Variants in YES1 observed in about 807,000 individuals in gnomAD.
YES1 encodes YES proto-oncogene 1, Src family tyrosine kinase.
In YES1, 39 loss-of-function variants were observed where a neutral mutation model predicts 70.4. That is an observed-to-expected ratio of 0.55 (90% CI 0.43 to 0.72). YES1 has a LOEUF of 0.72. Among genes scored for constraint, YES1 ranks in the 30% least tolerant of loss-of-function variants. The probability of loss-of-function intolerance (pLI) is 0.00; values close to 1 mark genes in which losing one functional copy is unlikely to be tolerated. For synonymous variants in YES1, 198 were observed against 218.6 expected (o/e 0.91, Z 0.83); for missense variants, 495 against 644.8 (o/e 0.77, Z 2.52).
chr18:724,358 T>G lies in YES1; in HGVS notation c.*66A>C. 1 of 1,403,864 alleles carries G rather than the reference T, an allele frequency of 7.1e-7. No individual in the cohort carries two copies. The highest frequency in any genetic ancestry group is 1.3e-5 in the South Asian group (1 of 79,432). The allele number at this position is 1,403,864 out of a possible 1,614,324, so 87.0% of individuals were successfully genotyped here. A position where few individuals can be genotyped will look rare whatever the true frequency, so the allele number is the denominator to read the frequency against. ...AAGAAGATTTTCTTCTTTTGATTCC[T>G]GTAGAAAATCTACACAAGTTCTTTA... On this transcript the variant is annotated 3_prime_UTR_variant, in exon 12 of 12. Coordinates refer to ENST00000314574, the MANE Select transcript of YES1 (RefSeq NM_005433.4).
At chr18:756,966 T>C (rs1205089639) in intron 1 of YES1, 131 bp from the exon 2 acceptor site, 12 of 934,724 alleles carry the variant, frequency 1.3e-5, no homozygotes, top group East Asian at 1.1e-4. Flanking sequence ...AAACAAAAAA[T>C]AGAAAGCTGA....
At chr18:792,588 T>C (rs561784802) in intron 1 of YES1, among the ~76,000 whole-genome samples, 3 of 151,564 alleles carry the variant, frequency 2.0e-5, no homozygotes, top group Admixed American at 2.0e-4. Context: ...TGTGTGTGTA[T>C]ATACATATAT....
intron 1 of YES1, among the ~76,000 whole-genome samples, chr18:768,689 T>C (rs1033106659): frequency 2.0e-5 from 3 of 152,040 alleles, no homozygotes; most frequent in African/African-American, 7.3e-5. Context: ...TATGTTTAGA[T>C]ATGTTATTTA....
chr18:797,406 AG>A (rs1906601944), intron 1 of YES1, among the ~76,000 whole-genome samples: 1 of 152,164 alleles, frequency 6.6e-6, no homozygotes, highest in Non-Finnish European at 1.5e-5. Context: ...CAAAAGAAAA[AG>A]CAACACCTAT....
intron 10 of YES1, among the ~76,000 whole-genome samples, chr18:734,556 A>AAAAAC: frequency 2.0e-5 from 3 of 152,176 alleles, no homozygotes; most frequent in African/African-American, 7.2e-5. Context: ...ACTCCATCTC[A>AAAAAC]AAAACAAAAC....
At chr18:756,917 G>C (rs1012736050) in intron 1 of YES1, 82 bp from the exon 2 acceptor site, 26 of 1,342,958 alleles carry the variant, frequency 1.9e-5, no homozygotes, top group Non-Finnish European at 2.6e-5. Flanking sequence ...ATCATTTTAA[G>C]AAAAGCATAT....
rs955108621 is a variant in YES1 at position 727,331 on chromosome 18, T to G, written c.1424-2699A>C. Among the ~76,000 whole-genome samples the G allele has an allele frequency of 1.4e-4, 22 of 152,172 alleles. 1 individual carries two copies. The highest frequency in any genetic ancestry group is 2.9e-5 in the Non-Finnish European group (2 of 68,006). On this transcript the variant is annotated intron_variant, in intron 11 of 11. Transcript: ENST00000314574. The stretch of plus-strand genomic sequence containing the variant: ...AGTATAACTTTTCCATCCTTTTAAT[T>G]TCAGTCTCCTAAAATACCTTAAAGT...
At chr18:727,618 ATT>A (rs1199658008) in intron 11 of YES1, among the ~76,000 whole-genome samples, 1 of 152,080 alleles carries the variant, frequency 6.6e-6, no homozygotes, top group Non-Finnish European at 1.5e-5. Flanking sequence ...AGTAGTTATC[ATT>A]GAGACTACAA....
At chr18:801,792 A>G (rs1906835944) in intron 1 of YES1, among the ~76,000 whole-genome samples, 3 of 152,204 alleles carry the variant, frequency 2.0e-5, no homozygotes, top group Admixed American at 6.5e-5. Context: ...AGTTTAGTGT[A>G]ATAACTCATC....
chr18:756,180 A>AT (rs1345163277), intron 2 of YES1, among the ~76,000 whole-genome samples: 1 of 152,180 alleles, frequency 6.6e-6, no homozygotes, highest in African/African-American at 2.4e-5. Context: ...AGTAACCACT[A>AT]TAAGACTTTA....
intron 1 of YES1, among the ~76,000 whole-genome samples, chr18:791,979 C>A (rs548768084): frequency 1.3e-5 from 2 of 152,222 alleles, no homozygotes; most frequent in African/African-American, 4.8e-5. Flanking sequence ...ACTTACAGTA[C>A]ATCTCAATTT....
intron 8 of YES1, among the ~76,000 whole-genome samples, chr18:740,743 C>T (rs1027023107): frequency 1.1e-4 from 17 of 152,168 alleles, no homozygotes; most frequent in African/African-American, 3.6e-4. Flanking sequence ...CTAAATCTCT[C>T]CCGCCTGGAA....
intron 11 of YES1, among the ~76,000 whole-genome samples, chr18:726,212 T>C (rs968057525): frequency 4.0e-5 from 6 of 151,266 alleles, no homozygotes; most frequent in Admixed American, 6.6e-5. Context: ...GATCACGAGG[T>C]CAAGAGATTG....
chr18:753,540 G>A (rs1598907319), intron 2 of YES1, among the ~76,000 whole-genome samples: 1 of 152,238 alleles, frequency 6.6e-6, no homozygotes, highest in Admixed American at 6.5e-5. Context: ...AGGCTAGAGT[G>A]CAGTGGTACG....
intron 1 of YES1, among the ~76,000 whole-genome samples, chr18:791,966 T>C (rs1485331630): frequency 6.6e-6 from 1 of 152,118 alleles, no homozygotes; most frequent in African/African-American, 2.4e-5. Context: ...GTGTGTATTT[T>C]ACACTTACAG....
intron 1 of YES1, among the ~76,000 whole-genome samples, chr18:792,927 G>C (rs982198128): frequency 2.6e-5 from 4 of 151,876 alleles, no homozygotes; most frequent in Admixed American, 6.6e-5. Flanking sequence ...ACTAAAAATA[G>C]AGGAATCCTT....
Position 742,975 on chromosome 18 carries a change from G to C in YES1, c.1003C>G (p.Leu335Val). 1.2e-6 allele frequency: 2 copies of C among 1,610,170 alleles called. No individual in the cohort carries two copies. The highest frequency in any genetic ancestry group is 1.7e-6 in the Non-Finnish European group (2 of 1,179,256). ...GGTTCTTCAGAAACAACAGCATATA[G>C]TGGAACAAGTTTATCATGTCTTAAT... ...KKLRHDKLVP[L>V]YAVVSEEPIY... Residue 335 changes from leucine to valine, a missense_variant, in exon 8 of 12, where the codon CTA becomes GTA. Around this residue, in one of 2 missense-constraint regions of YES1, gnomAD observed 385 missense variants for 540.9 expected, o/e 0.71. Transcript: ENST00000314574.
chr18:800,541 A>T (rs1023927825), intron 1 of YES1, among the ~76,000 whole-genome samples: 1 of 152,246 alleles, frequency 6.6e-6, no homozygotes, highest in African/African-American at 2.4e-5. Flanking sequence ...TTCCCGCTAG[A>T]AAACAATGTT....
At chr18:756,439 C>T in intron 2 of YES1, 118 bp downstream of exon 2, 2 of 1,315,070 alleles carry the variant, frequency 1.5e-6, no homozygotes, top group Non-Finnish European at 2.1e-6. Context: ...TTTTCACATA[C>T]AATTATTTGA....
Sources: allele counts gnomAD v4.1 joint callset (sites outside exome capture counted in the v4.1 genomes callset), GRCh38; gene constraint gnomAD v4.1.1; regional missense constraint gnomAD v4.1.1; transcripts MANE v1.5; gene names NCBI Gene and HGNC (gene_info 2026-07-23, HGNC 2026-07-21).